The following NRXN1 variants were observed in gnomAD, a reference collection of about 807,000 sequenced individuals.
NRXN1 encodes the protein neurexin-1.
Under a neutral mutation model 150.9 loss-of-function variants are expected in NRXN1, and 39 were observed. That is an observed-to-expected ratio of 0.26 (90% CI 0.20 to 0.34). The LOEUF (loss-of-function observed/expected upper bound fraction) is 0.34. Ranked by LOEUF, NRXN1 falls within the 10% of genes least tolerant of loss-of-function variation. The pLI is 1.00. For missense variants in NRXN1, 1,815 were observed against 1,949.9 expected (o/e 0.93, Z 1.30); for synonymous variants, 924 against 757.0 (o/e 1.22, Z -3.62).
At chr2:50,568,022 G>C (rs933912161) in intron 8 of NRXN1, among the ~76,000 whole-genome samples, 1 of 152,044 alleles carries the variant, frequency 6.6e-6, no homozygotes, top group African/African-American at 2.4e-5. Flanking sequence ...AAGAAACTGA[G>C]CTCACATAGT....
At chr2:50,216,126 C>T (rs1400027192) in intron 18 of NRXN1, among the ~76,000 whole-genome samples, 1 of 152,044 alleles carries the variant, frequency 6.6e-6, no homozygotes, top group Non-Finnish European at 1.5e-5. Context: ...GAGGCTGAGG[C>T]AGGAAGAATG....
intron 17 of NRXN1, among the ~76,000 whole-genome samples, chr2:50,331,162 TAA>T (rs1344487888): frequency 6.6e-6 from 1 of 152,064 alleles, no homozygotes; most frequent in Non-Finnish European, 1.5e-5. Flanking sequence ...AAAGACATTA[TAA>T]AATCTAAAAC....
intron 18 of NRXN1, among the ~76,000 whole-genome samples, chr2:50,173,954 C>A (rs2060185195): frequency 6.6e-6 from 1 of 152,090 alleles, no homozygotes; most frequent in African/African-American, 2.4e-5. Context: ...GGTTAACATG[C>A]ATATGCACTA....
chr2:50,957,417 T>C (rs888303540), intron 2 of NRXN1, among the ~76,000 whole-genome samples: 2 of 152,162 alleles, frequency 1.3e-5, no homozygotes, highest in Non-Finnish European at 2.9e-5. Context: ...TTATCATAAC[T>C]GGGAGTGGAT....
chr2:50,862,186 G>C (rs1490232782), intron 5 of NRXN1, among the ~76,000 whole-genome samples: 2 of 146,120 alleles, frequency 1.4e-5, no homozygotes, highest in African/African-American at 5.1e-5. Context: ...TAGAGGACAA[G>C]AGCGAGATTC....
intron 15 of NRXN1, among the ~76,000 whole-genome samples, chr2:50,480,343 A>G (rs2090369310): frequency 6.6e-6 from 1 of 152,166 alleles, no homozygotes; most frequent in Non-Finnish European, 1.5e-5. Context: ...AAATCTTTGG[A>G]GGAAATTAAA....
chr2:49,929,074 G>C (rs1448910815), intron 22 of NRXN1, among the ~76,000 whole-genome samples: 1 of 152,126 alleles, frequency 6.6e-6, no homozygotes, highest in Non-Finnish European at 1.5e-5. Context: ...TTGAAGGGCA[G>C]TTAAGGGGCC....
At chr2:50,427,985 G>C (rs2084641552) in intron 17 of NRXN1, among the ~76,000 whole-genome samples, 1 of 152,156 alleles carries the variant, frequency 6.6e-6, no homozygotes, top group Non-Finnish European at 1.5e-5. Flanking sequence ...ATTAGAAATA[G>C]GTAGTCTAAG....
intron 5 of NRXN1, among the ~76,000 whole-genome samples, chr2:50,683,646 A>AAAAAAAAAAAAAAAAAAAATAT: frequency 6.7e-5 from 1 of 14,908 alleles, no homozygotes; most frequent in African/African-American, 3.6e-4. Flanking sequence ...AAAAAAAAAA[A>AAAAAAAAAAAAAAAAAAAATAT]ATATATATAT....
chr2:50,435,493 C>A (rs988977563), intron 17 of NRXN1, among the ~76,000 whole-genome samples: 1 of 152,124 alleles, frequency 6.6e-6, no homozygotes, highest in African/African-American at 2.4e-5. Flanking sequence ...ATGTAGTCTG[C>A]ATAGTATTCC....
intron 5 of NRXN1, among the ~76,000 whole-genome samples, chr2:50,680,352 A>C (rs1354826579): frequency 6.6e-6 from 1 of 152,076 alleles, no homozygotes; most frequent in African/African-American, 2.4e-5. Context: ...TCCTACAGAG[A>C]CCTATGAAGG....
intron 18 of NRXN1, among the ~76,000 whole-genome samples, chr2:50,160,890 C>CT (rs1253655933): frequency 1.3e-5 from 2 of 151,832 alleles, no homozygotes; most frequent in African/African-American, 4.8e-5. Context: ...TTATACATAT[C>CT]TTTTTTTTAG....
At chr2:50,059,830 A>C (rs1819970) in intron 19 of NRXN1, among the ~76,000 whole-genome samples, 113,565 of 152,118 alleles carry the variant, frequency 0.75, 43,325 homozygotes, top group African/African-American at 0.91. Flanking sequence ...CGTGGGTGCA[A>C]AGAAGTCAAG....
At chr2:50,127,417 T>A (rs1447271956) in intron 18 of NRXN1, among the ~76,000 whole-genome samples, 1 of 152,182 alleles carries the variant, frequency 6.6e-6, no homozygotes, top group Non-Finnish European at 1.5e-5. Flanking sequence ...AGGTTTTCTT[T>A]TTTTTGTCAC....
chr2:50,133,636 C>T (rs1385267895), intron 18 of NRXN1, among the ~76,000 whole-genome samples: 1 of 152,084 alleles, frequency 6.6e-6, no homozygotes, highest in Non-Finnish European at 1.5e-5. Flanking sequence ...ATTAAAGCCA[C>T]AGACAAGGGA....
At chr2:50,562,541 A>T (rs988298980) in intron 8 of NRXN1, among the ~76,000 whole-genome samples, 7 of 152,094 alleles carry the variant, frequency 4.6e-5, no homozygotes, top group Non-Finnish European at 7.4e-5. Flanking sequence ...TTTCATGTAA[A>T]ATATTTATTA....
intron 17 of NRXN1, among the ~76,000 whole-genome samples, chr2:50,354,062 C>A (rs1176860463): frequency 6.6e-6 from 1 of 152,112 alleles, no homozygotes; most frequent in African/African-American, 2.4e-5. Context: ...TACCAATGAT[C>A]TCACCTCCCG....
intron 5 of NRXN1, among the ~76,000 whole-genome samples, chr2:50,734,439 A>G (rs551425330): frequency 6.6e-6 from 1 of 152,170 alleles, no homozygotes; most frequent in Non-Finnish European, 1.5e-5. Flanking sequence ...TGAAACTTTA[A>G]TAGCCCTCAG....
intron 19 of NRXN1, among the ~76,000 whole-genome samples, chr2:50,063,666 C>T (rs12621366): frequency 0.16 from 24,282 of 151,958 alleles, 2,434 homozygotes; most frequent in East Asian, 0.4. Flanking sequence ...GTGTCCCCTA[C>T]TGCTCCACCA....
Sources: allele counts gnomAD v4.1 joint callset (sites outside exome capture counted in the v4.1 genomes callset), GRCh38; gene constraint gnomAD v4.1.1; transcripts MANE v1.5; gene names NCBI Gene and HGNC (gene_info 2026-07-23, HGNC 2026-07-21).